NCALD: variants seen among roughly 807,000 people sequenced by gnomAD.
The protein encoded by NCALD is neurocalcin-delta.
Under a neutral mutation model 18.6 loss-of-function variants are expected in NCALD, and 10 were observed. That is an observed-to-expected ratio of 0.54 (90% CI 0.33 to 0.91). The LOEUF (loss-of-function observed/expected upper bound fraction) is 0.91, where lower values mean the gene tolerates loss of function less well. Among genes scored for constraint, NCALD ranks in the 40% least tolerant of loss-of-function variants. The pLI, the probability that NCALD is intolerant of heterozygous loss-of-function variation, is 0.03. For missense variants in NCALD, 184 were observed against 247.6 expected, an observed-to-expected ratio of 0.74 and a Z score of 1.72; for synonymous variants, 88 against 87.4, an observed-to-expected ratio of 1.01 and a Z score of -0.04.
At chr8:101,985,137 C>T (rs1204117935) in intron 2 of NCALD, among the ~76,000 whole-genome samples, 2 of 152,178 alleles carry the variant, frequency 1.3e-5, no homozygotes, top group Admixed American at 6.5e-5. Context: ...GGAACTCCGC[C>T]GCCATGCTGC....
At chr8:101,908,043 G>A (rs1461752936) in intron 3 of NCALD, among the ~76,000 whole-genome samples, 1 of 152,196 alleles carries the variant, frequency 6.6e-6, no homozygotes, top group Non-Finnish European at 1.5e-5. Flanking sequence ...CACCCAGGCA[G>A]AGTGTGAGAG....
chr8:101,956,096 A>G (rs1188484809), intron 2 of NCALD, among the ~76,000 whole-genome samples: 1 of 152,190 alleles, frequency 6.6e-6, no homozygotes, highest in Admixed American at 6.5e-5. Context: ...ACATTTTTCT[A>G]TAAGTTTGAA....
chr8:102,115,179 T>C (rs1010637943), intron 1 of NCALD, among the ~76,000 whole-genome samples: 6 of 152,262 alleles, frequency 3.9e-5, no homozygotes, highest in African/African-American at 1.4e-4. Context: ...CTTCAGGTAG[T>C]GAGACTAAAT....
chr8:102,096,232 C>A (rs1056827095), intron 1 of NCALD, among the ~76,000 whole-genome samples: 3 of 152,224 alleles, frequency 2.0e-5, no homozygotes, highest in African/African-American at 7.2e-5. Context: ...CTTCTCACAA[C>A]CACAGGGTTG....
At chr8:101,743,257 G>A (rs1810289265) in intron 1 of NCALD, among the ~76,000 whole-genome samples, 1 of 138,862 alleles carries the variant, frequency 7.2e-6, no homozygotes, top group African/African-American at 2.5e-5. Context: ...AAAACTCAGT[G>A]TGTTCCTGGA....
intron 4 of NCALD, among the ~76,000 whole-genome samples, chr8:101,839,697 A>G (rs1308861203): frequency 2.0e-5 from 3 of 152,192 alleles, no homozygotes; most frequent in Admixed American, 6.5e-5. Flanking sequence ...TCCATATTCC[A>G]CAGGGATGGG....
At chr8:102,059,014 A>G (rs1823751538) in intron 1 of NCALD, among the ~76,000 whole-genome samples, 1 of 152,244 alleles carries the variant, frequency 6.6e-6, no homozygotes, top group African/African-American at 2.4e-5. Flanking sequence ...GTCTCCAGAA[A>G]GAAATGCACT....
At chr8:102,085,572 T>C (rs988048913) in intron 1 of NCALD, among the ~76,000 whole-genome samples, 2 of 146,910 alleles carry the variant, frequency 1.4e-5, no homozygotes, top group East Asian at 3.9e-4. Flanking sequence ...CTGGCCACCA[T>C]GGTGAAACCC....
At chr8:101,821,653 G>T (rs1296678111) in intron 4 of NCALD, among the ~76,000 whole-genome samples, 1 of 152,092 alleles carries the variant, frequency 6.6e-6, no homozygotes, top group East Asian at 1.9e-4. Context: ...AGTCATCAAA[G>T]TGCTTCCAAT....
At chr8:102,095,166 C>T (rs1166764894) in intron 1 of NCALD, among the ~76,000 whole-genome samples, 1 of 152,080 alleles carries the variant, frequency 6.6e-6, no homozygotes, top group Non-Finnish European at 1.5e-5. Flanking sequence ...GGGGGTGGTA[C>T]TATGGTCAAA....
upstream of NCALD, among the ~76,000 whole-genome samples, chr8:101,791,184 G>A (rs532898684): frequency 1.9e-4 from 29 of 152,296 alleles, no homozygotes; most frequent in Non-Finnish European, 4.0e-4. Flanking sequence ...ACAGCTCCTT[G>A]ACAACCTCAA....
At chr8:101,814,923 G>C (rs1200245794) in intron 4 of NCALD, among the ~76,000 whole-genome samples, 1 of 152,006 alleles carries the variant, frequency 6.6e-6, no homozygotes, top group Non-Finnish European at 1.5e-5. Context: ...AAATATATAT[G>C]AGATCTTTAT....
intron 1 of NCALD, among the ~76,000 whole-genome samples, chr8:101,772,695 T>C (rs1811633943): frequency 6.6e-6 from 1 of 152,226 alleles, no homozygotes. Flanking sequence ...GTTCTCATTC[T>C]TTGGTCCAAG....
At chr8:101,964,007 A>G (rs1351817949) in intron 2 of NCALD, among the ~76,000 whole-genome samples, 2 of 152,214 alleles carry the variant, frequency 1.3e-5, no homozygotes, top group African/African-American at 4.8e-5. Flanking sequence ...CTATTATTTT[A>G]AATTATTTGT....
chr8:101,844,766 G>T lies in NCALD; in HGVS notation c.-20+42375C>A, dbSNP rs143652236. 3.5e-3 allele frequency among the ~76,000 whole-genome samples: 531 copies of T among 152,198 alleles called. 6 individuals are homozygous for T. Among genetic ancestry groups the T allele is most frequent in the African/African-American group, 0.012 (502 of 41,502 alleles). On this transcript the variant is annotated intron_variant, in intron 4 of 6. Transcript: ENST00000311028. ...CAAATTCAGCTAGTGGCCAGAGAGC[G>T]GTGAGTTCTTATTCTAGCAATATTG...
At chr8:101,986,835 A>G (rs558171254) in intron 2 of NCALD, among the ~76,000 whole-genome samples, 143 of 152,368 alleles carry the variant, frequency 9.4e-4, no homozygotes, top group African/African-American at 3.3e-3. Context: ...CCAGTGCTTA[A>G]TCTTAAGGAA....
chr8:101,872,297 T>A, intron 4 of NCALD: 1 of 1,368,346 alleles, frequency 7.3e-7, no homozygotes, highest in Non-Finnish European at 1.0e-6. Context: ...TTCAGTTTAA[T>A]TGCTTTCCCC....
chr8:102,069,315 A>G (rs1469701223), intron 1 of NCALD, among the ~76,000 whole-genome samples: 1 of 152,150 alleles, frequency 6.6e-6, no homozygotes, highest in African/African-American at 2.4e-5. Flanking sequence ...ATTATATCCC[A>G]TAAATATAAA....
chr8:101,696,143 T>C (rs2387620), intron 2 of NCALD, among the ~76,000 whole-genome samples: 67,781 of 151,904 alleles, frequency 0.45, 16,821 homozygotes, highest in African/African-American at 0.66. Context: ...AGCTGATCCA[T>C]AGACCCCAGG....
Sources: gnomAD v4.1 joint callset for allele counts (sites outside exome capture counted in the v4.1 genomes callset) on GRCh38, gnomAD v4.1.1 for gene constraint, MANE v1.5 for transcripts, NCBI Gene and HGNC (gene_info 2026-07-23, HGNC 2026-07-21) for gene names.